The following MIPOL1 variants were observed in gnomAD, a reference collection of about 807,000 sequenced individuals.
The protein encoded by MIPOL1 is mirror-image polydactyly 1, also known as mirror-image polydactyly gene 1 protein.
Under a neutral mutation model 60.9 loss-of-function variants are expected in MIPOL1, and 57 were observed. The observed-to-expected ratio is 0.94, with a 90% confidence interval of 0.76 to 1.17. MIPOL1 has a LOEUF of 1.17. MIPOL1 is among the 50% of genes most tolerant of loss of function. MIPOL1 has a pLI of 0.00. For missense variants in MIPOL1, 551 were observed against 511.6 expected, an observed-to-expected ratio of 1.08 and a Z score of -0.74; for synonymous variants, 179 against 168.8, an observed-to-expected ratio of 1.06 and a Z score of -0.47.
chr14:37,271,485 T>C (rs2083298446), intron 6 of MIPOL1, among the ~76,000 whole-genome samples: 1 of 151,812 alleles, frequency 6.6e-6, no homozygotes, highest in Non-Finnish European at 1.5e-5. Context: ...AATATGATTG[T>C]GGAAAATAGA....
intron 11 of MIPOL1, among the ~76,000 whole-genome samples, chr14:37,486,789 C>T (rs1280426950): frequency 6.6e-6 from 1 of 152,090 alleles, no homozygotes; most frequent in Non-Finnish European, 1.5e-5. Context: ...AATTTGACTT[C>T]CTCTCTTCTT....
chr14:37,395,382 T>C (rs113280340), intron 10 of MIPOL1, among the ~76,000 whole-genome samples: 3,718 of 152,092 alleles, frequency 0.024, 80 homozygotes, highest in African/African-American at 0.056. Context: ...CATCCATGAG[T>C]GTGGGATGTG....
At chr14:37,430,221 C>T (rs966261865) in intron 11 of MIPOL1, among the ~76,000 whole-genome samples, 10 of 151,932 alleles carry the variant, frequency 6.6e-5, no homozygotes, top group Non-Finnish European at 8.8e-5. Context: ...TTTTGATTAC[C>T]GTAGACAAGT....
At chr14:37,306,083 G>A (rs2086765978) in intron 7 of MIPOL1, among the ~76,000 whole-genome samples, 1 of 151,814 alleles carries the variant, frequency 6.6e-6, no homozygotes, top group South Asian at 2.1e-4. Flanking sequence ...TTTTAAAAAT[G>A]TTTAAATTAT....
At chr14:37,413,795 C>T (rs1193756426) in intron 10 of MIPOL1, among the ~76,000 whole-genome samples, 2 of 152,170 alleles carry the variant, frequency 1.3e-5, no homozygotes, top group Non-Finnish European at 1.5e-5. Flanking sequence ...GTTCCTAAGA[C>T]ACCTTAGTTT....
intron 11 of MIPOL1, among the ~76,000 whole-genome samples, chr14:37,489,959 C>G (rs921040236): frequency 2.0e-5 from 3 of 152,286 alleles, no homozygotes; most frequent in African/African-American, 4.8e-5. Flanking sequence ...CAGTCTGACC[C>G]TTAGCATAGC....
At chr14:37,436,708 A>G (rs561625313) in intron 11 of MIPOL1, among the ~76,000 whole-genome samples, 5 of 152,332 alleles carry the variant, frequency 3.3e-5, no homozygotes, top group African/African-American at 9.6e-5. Context: ...ACTGGGTGGC[A>G]CTGGCAGTAC....
chr14:37,529,202 G>A (rs2095465766), intron 12 of MIPOL1, among the ~76,000 whole-genome samples: 1 of 152,162 alleles, frequency 6.6e-6, no homozygotes, highest in Non-Finnish European at 1.5e-5. Flanking sequence ...TTTTTGGAAA[G>A]ATGTAGGATT....
At chr14:37,331,738 T>C (rs1369291217) in intron 9 of MIPOL1, among the ~76,000 whole-genome samples, 1 of 152,202 alleles carries the variant, frequency 6.6e-6, no homozygotes, top group African/African-American at 2.4e-5. Flanking sequence ...ATTCTTTCTT[T>C]CCAGTTCGAG....
intron 12 of MIPOL1, among the ~76,000 whole-genome samples, chr14:37,526,918 G>A (rs539930408): frequency 1.3e-5 from 2 of 152,230 alleles, no homozygotes; most frequent in Admixed American, 6.5e-5. Context: ...GCTTATTTCT[G>A]TAAGCATTCA....
At chr14:37,214,169 C>T (rs1594492852) in intron 1 of MIPOL1, among the ~76,000 whole-genome samples, 1 of 152,134 alleles carries the variant, frequency 6.6e-6, no homozygotes, top group Non-Finnish European at 1.5e-5. Flanking sequence ...GACAGAAAAC[C>T]ACAGAATACT....
At chr14:37,475,569 C>A (rs546797526) in intron 11 of MIPOL1, among the ~76,000 whole-genome samples, 1 of 151,954 alleles carries the variant, frequency 6.6e-6, no homozygotes, top group African/African-American at 2.4e-5. Context: ...CTGTTATAGT[C>A]CTGTGGTCCA....
intron 9 of MIPOL1, among the ~76,000 whole-genome samples, chr14:37,342,894 T>G (rs1368367672): frequency 7.0e-6 from 1 of 143,424 alleles, no homozygotes; most frequent in South Asian, 2.3e-4. Context: ...TATGGATAAT[T>G]TAATAGTTTA....
At chr14:37,485,312 T>TCATA (rs2094930561) in intron 11 of MIPOL1, among the ~76,000 whole-genome samples, 1 of 152,224 alleles carries the variant, frequency 6.6e-6, no homozygotes, top group African/African-American at 2.4e-5. Context: ...TGTGTCTTTA[T>TCATA]ACTGGAATGA....
intron 12 of MIPOL1, among the ~76,000 whole-genome samples, chr14:37,526,013 C>T (rs1477202888): frequency 2.0e-5 from 3 of 152,088 alleles, no homozygotes; most frequent in Non-Finnish European, 4.4e-5. Context: ...AGAGGATACT[C>T]TTAATGGCTT....
chr14:37,295,633 A>C (rs1016772256), intron 7 of MIPOL1, among the ~76,000 whole-genome samples: 18 of 152,194 alleles, frequency 1.2e-4, no homozygotes, highest in Non-Finnish European at 1.6e-4. Context: ...TGGAAAACAA[A>C]AAAAGGCAGG....
At position 37,308,369 on chromosome 14, in the gene MIPOL1, C is replaced by A; in HGVS notation, c.678C>A (p.Asn226Lys). Residue 226 changes from asparagine (N) to lysine (K), a missense_variant, in exon 9 of 13, where the codon AAC becomes AAA. Asn to Lys is a moderately conservative substitution (Grantham distance 94). Transcript: ENST00000684589. ...GGTAGACATTACAGGAATTACTGAA[C>A]AGAATAAACAATGCAGACACAGGGA... The part of the protein sequence containing the change: ...ENDMTLQELL[N>K]RINNADTGIA... 6.4e-7 allele frequency: 1 copy of A among 1,563,874 alleles called. No individual in the cohort carries two copies.
intron 1 of MIPOL1, among the ~76,000 whole-genome samples, chr14:37,199,016 A>G (rs1378954775): frequency 6.6e-6 from 1 of 152,220 alleles, no homozygotes; most frequent in Non-Finnish European, 1.5e-5. Context: ...GAATCAAGAC[A>G]TGTCATTGAT....
At chr14:37,513,785 GTCT>G (rs2095347830) in intron 12 of MIPOL1, among the ~76,000 whole-genome samples, 1 of 152,142 alleles carries the variant, frequency 6.6e-6, no homozygotes, top group Non-Finnish European at 1.5e-5. Flanking sequence ...TTCAGAGGCT[GTCT>G]TCCAGTGATT....
Sources: allele counts gnomAD v4.1 joint callset (sites outside exome capture counted in the v4.1 genomes callset), GRCh38; gene constraint gnomAD v4.1.1; transcripts MANE v1.5; gene names NCBI Gene and HGNC (gene_info 2026-07-23, HGNC 2026-07-21).